Variants in ETV4 observed in about 807,000 individuals in gnomAD.
ETV4 encodes the protein ETS variant transcription factor 4, also known as ETS translocation variant 4.
In ETV4, 42 loss-of-function variants were observed where a neutral mutation model predicts 65.9. The ratio of observed to expected loss-of-function variants is 0.64; its 90% CI spans 0.50 to 0.82. The LOEUF is 0.82. Ranked by LOEUF, ETV4 falls within the 40% of genes least tolerant of loss-of-function variation. The probability of loss-of-function intolerance (pLI) is 0.00; values close to 1 mark genes in which losing one functional copy is unlikely to be tolerated. For missense variants in ETV4, 583 were observed against 630.3 expected (o/e 0.92, Z 0.80); for synonymous variants, 238 against 260.0 (o/e 0.92, Z 0.81).
At chr17:43,534,460 C>G (rs1686011131) in intron 5 of ETV4, among the ~76,000 whole-genome samples, 1 of 152,162 alleles carries the variant, frequency 6.6e-6, no homozygotes, top group Admixed American at 6.5e-5. Context: ...TGCCACTGCA[C>G]TCCAGCCTGG....
At chr17:43,541,918 C>T (rs926851200) in intron 4 of ETV4, among the ~76,000 whole-genome samples, 6 of 152,200 alleles carry the variant, frequency 3.9e-5, no homozygotes, top group African/African-American at 1.4e-4. Context: ...TCCCTCCCCA[C>T]AGACATGCCG....
intron 3 of ETV4, 99 bp from the exon 4 acceptor site, chr17:43,545,121 G>T: frequency 7.2e-7 from 1 of 1,389,774 alleles, no homozygotes; most frequent in South Asian, 1.2e-5. Flanking sequence ...TGGGAGTAGG[G>T]ACCGAGAAGA....
At chr17:43,535,312 C>T (rs755574631) in intron 5 of ETV4, among the ~76,000 whole-genome samples, 27 of 152,010 alleles carry the variant, frequency 1.8e-4, no homozygotes, top group Non-Finnish European at 3.1e-4. Flanking sequence ...GAGCCTCGCT[C>T]TGTCACCCAG....
At chr17:43,545,154 C>A in intron 3 of ETV4, 120 bp downstream of exon 3, 1 of 1,284,894 alleles carries the variant, frequency 7.8e-7, no homozygotes. Flanking sequence ...CCTTGGAGGG[C>A]GAGTTTTTTG....
intron 4 of ETV4, among the ~76,000 whole-genome samples, chr17:43,540,809 A>C (rs1971482382): frequency 6.6e-6 from 1 of 152,128 alleles, no homozygotes; most frequent in African/African-American, 2.4e-5. Context: ...AGCTGGGGTG[A>C]TGGGAGCAGA....
In ETV4 at chr17:43,528,678, G is replaced by A. The variant is rs929628730; in HGVS notation, c.1296C>T (p.Phe432=). 2 of 1,614,180 alleles carry A rather than the reference G, an allele frequency of 1.2e-6. No homozygotes were observed. The highest frequency in any genetic ancestry group is 1.3e-5 in the African/African-American group (1 of 75,044). The part of the protein sequence containing the change: ...CEPEALFSLA[F]PDNQRPALKA... ...TGAGAGCTGGACGCTGATTGTCCGG[G>A]AAGGCCAAAGAGAAGAGGGCCTCGG... Residue 432 remains phenylalanine (F), a synonymous_variant, in exon 13 of 13, where the codon TTC becomes TTT. Transcript: ENST00000319349.
At chr17:43,545,801 G>T (rs1971793757) in intron 1 of ETV4, 133 bp from the exon 2 acceptor site, 1 of 610,224 alleles carries the variant, frequency 1.6e-6, no homozygotes. Context: ...CGAGGTTTCC[G>T]CCTGCCAGGC....
intron 5 of ETV4, 58 bp downstream of exon 5, chr17:43,536,368 G>C: frequency 6.9e-7 from 1 of 1,443,136 alleles, no homozygotes; most frequent in Non-Finnish European, 9.8e-7. Context: ...TCTATCCTAT[G>C]ACTCACTTCC....
At position 43,534,846 on chromosome 17, in the gene ETV4, C is replaced by A. The variant is rs538502893; in HGVS notation, c.257-861G>T. Among the ~76,000 whole-genome samples, 7 of 152,230 alleles carry A rather than the reference C, an allele frequency of 4.6e-5. No homozygotes were observed. The East Asian group carries it at 1.2e-3, about 25-fold the overall frequency. ...ATCCCAGCTACTCGGGAGGCTGAGG[C>A]AGGAGAATTGCTTGAACCTGGGAGG... On this transcript the variant is annotated intron_variant, in intron 5 of 12. Transcript: ENST00000319349.
At position 43,530,158 on chromosome 17, in the gene ETV4, A is replaced by G; in HGVS notation, c.835T>C (p.Tyr279His). 1 of 1,559,190 alleles carries G rather than the reference A, an allele frequency of 6.4e-7. No homozygotes were observed. The highest frequency in any genetic ancestry group is 1.2e-5 in the South Asian group (1 of 85,828). Residue 279 changes from tyrosine (Y) to histidine (H), a missense_variant, in exon 9 of 13, where the codon TAC becomes CAC. Coordinates refer to ENST00000319349, the MANE Select transcript of ETV4 (RefSeq NM_001079675.5). ...CCAGAGAAGCCCTCTGTGTGGAGGT[A>G]CATTGATGCGCACCCGGTGACATCT... ...DSDVTGCASMYLHTEGFSGPS... is the reference protein window; with the variant it reads ...DSDVTGCASMHLHTEGFSGPS...
Position 43,541,949 on chromosome 17 carries a change from T to C in ETV4, c.202+3026A>G, listed in dbSNP as rs547916565. ...TGCCGAGGCACCAGTGTACATGCAC[T>C]CGGACGCATATTCAGGGATGCACAC... On this transcript the variant is annotated intron_variant, in intron 4 of 12. Coordinates refer to ENST00000319349, the MANE Select transcript of ETV4 (RefSeq NM_001079675.5). Among the ~76,000 whole-genome samples, 73 of 152,288 alleles carry C rather than the reference T, an allele frequency of 4.8e-4. No homozygotes were observed. The South Asian group carries it at 0.01, about 22-fold the overall frequency.
At chr17:43,539,618 A>C (rs1971417449) in intron 4 of ETV4, among the ~76,000 whole-genome samples, 1 of 152,214 alleles carries the variant, frequency 6.6e-6, no homozygotes, top group Non-Finnish European at 1.5e-5. Flanking sequence ...TCTTGACTAC[A>C]TGAATAAACA....
At chr17:43,543,140 C>T (rs1971607232) in intron 4 of ETV4, among the ~76,000 whole-genome samples, 1 of 152,038 alleles carries the variant, frequency 6.6e-6, no homozygotes, top group Non-Finnish European at 1.5e-5. Context: ...CTGAGCTGCT[C>T]CCTCAGAAGG....
chr17:43,534,994 C>T (rs962406922), intron 5 of ETV4, among the ~76,000 whole-genome samples: 6 of 152,140 alleles, frequency 3.9e-5, no homozygotes, highest in African/African-American at 1.4e-4. Context: ...TGGATATTGG[C>T]CCACTTGAAT....
intron 5 of ETV4, among the ~76,000 whole-genome samples, chr17:43,534,706 G>A (rs1190825825): frequency 3.3e-5 from 5 of 152,114 alleles, no homozygotes; most frequent in African/African-American, 7.2e-5. Context: ...TTGGGAGGCC[G>A]AGGCGGGCGG....
chr17:43,536,537 C>T, intron 4 of ETV4, 58 bp from the exon 5 acceptor site: 2 of 1,519,754 alleles, frequency 1.3e-6, no homozygotes, highest in Non-Finnish European at 1.8e-6. Context: ...CCCTGGGAGG[C>T]TCCATTATTA....
intron 7 of ETV4, 23 bp from the exon 8 acceptor site, chr17:43,532,962 GGAAGA>G (rs1598200615): frequency 1.3e-6 from 2 of 1,539,652 alleles, no homozygotes; most frequent in Non-Finnish European, 1.7e-6. Context: ...GGATGGAGAA[GGAAGA>G]GAAGAGAACT....
intron 4 of ETV4, 45 bp from the exon 5 acceptor site, chr17:43,536,524 GT>G: frequency 6.3e-7 from 1 of 1,586,560 alleles, no homozygotes; most frequent in Non-Finnish European, 8.7e-7. Flanking sequence ...AGCCCTGGTT[GT>G]CCCCTGGGAG....
intron 4 of ETV4, among the ~76,000 whole-genome samples, chr17:43,538,687 A>G (rs1598211228): frequency 1.3e-5 from 2 of 152,288 alleles, no homozygotes; most frequent in East Asian, 3.9e-4. Context: ...CCCCTCTCTC[A>G]AAAATAAATG....
Sources: allele counts gnomAD v4.1 joint callset (sites outside exome capture counted in the v4.1 genomes callset), GRCh38; gene constraint gnomAD v4.1.1; transcripts MANE v1.5; gene names NCBI Gene and HGNC (gene_info 2026-07-23, HGNC 2026-07-21).